The following SMIM5 variants were observed in gnomAD, a reference collection of about 807,000 sequenced individuals.
SMIM5 encodes the protein small integral membrane protein 5.
SMIM5 carries 4 observed loss-of-function variants against 4.0 expected under a neutral mutation model. The observed-to-expected ratio is 1.01, with a 90% CI of 0.50 to 2.30. The LOEUF (loss-of-function observed/expected upper bound fraction) is 2.30. SMIM5 is among the 30% of genes most tolerant of loss of function. The probability of loss-of-function intolerance (pLI) is 0.02; values close to 1 mark genes in which losing one functional copy is unlikely to be tolerated. For synonymous variants in SMIM5, 46 were observed against 43.6 expected (o/e 1.05, Z -0.22); for missense variants, 107 against 99.2 (o/e 1.08, Z -0.34).
At chr17:75,635,409 C>G (rs1188600995) in intron 1 of SMIM5, among the ~76,000 whole-genome samples, 1 of 152,170 alleles carries the variant, frequency 6.6e-6, no homozygotes. Flanking sequence ...CAACACAGTC[C>G]CTGAACCAGG....
Position 75,634,193 on chromosome 17 carries a change from G to A in SMIM5, c.-46G>A. The stretch of plus-strand genomic sequence containing the variant: ...CACTGCTGCTCAGCCCCCAACACCT[G>A]AGCTCCCAGGTGAGTGGCAATGGCC... On this transcript the variant is annotated 5_prime_UTR_variant, in exon 1 of 3. Coordinates refer to ENST00000375215, the MANE Select transcript of SMIM5 (RefSeq NM_001162995.3). 1.0e-6 allele frequency: 1 copy of A among 985,520 alleles called. No homozygotes were observed. Among genetic ancestry groups the A allele is most frequent in the South Asian group, 4.7e-5 (1 of 21,292 alleles). 61.0% of individuals were successfully genotyped at this position (985,520 alleles called of 1,614,324 possible). A position where few individuals can be genotyped will look rare whatever the true frequency, so the allele number is the denominator to read the frequency against.
In SMIM5 at chr17:75,636,223, C is replaced by T. The variant is rs1046125971; in HGVS notation, c.-37+2021C>T. Among the ~76,000 whole-genome samples the T allele has an allele frequency of 6.6e-6, 1 of 152,184 alleles. No homozygotes were observed. Among genetic ancestry groups the T allele is most frequent in the African/African-American group, 2.4e-5 (1 of 41,448 alleles). ...CTGAGGACCCTGAGAAGCCTCCAAC[C>T]AAGGCACTACTGAGCGTGGGGTTGG... On this transcript the variant is annotated intron_variant, in intron 1 of 2. Coordinates refer to ENST00000375215, the MANE Select transcript of SMIM5 (RefSeq NM_001162995.3). The surrounding 1 kb of genome is among the most constrained non-coding windows in gnomAD (Gnocchi z 5.4).
In SMIM5 at chr17:75,633,535, A is replaced by G. The variant is rs553484011; in HGVS notation, c.-704A>G. 9.3e-6 allele frequency: 12 copies of G among 1,285,620 alleles called. No homozygotes were observed. Among genetic ancestry groups the G allele is most frequent in the African/African-American group, 6.1e-5 (4 of 65,872 alleles). The allele number at this position is 1,285,620 out of a possible 1,614,324, so 79.6% of individuals were successfully genotyped here. A position where few individuals can be genotyped will look rare whatever the true frequency, so the allele number is the denominator to read the frequency against. On this transcript the variant is annotated 5_prime_UTR_variant, in exon 1 of 3. Transcript: ENST00000375215. Reference sequence around the variant, plus strand: ...ACTCAGGATTCCAAGTTCTCCCCCAAGACGCCTTCAGATGCTGAGCGGCAC... The same window carrying G: ...ACTCAGGATTCCAAGTTCTCCCCCAGGACGCCTTCAGATGCTGAGCGGCAC...
chr17:75,639,653 T>C (rs1281389881), intron 1 of SMIM5: 3 of 152,274 alleles, frequency 2.0e-5, no homozygotes, highest in Non-Finnish European at 4.4e-5. Context: ...ACTGGGCTGG[T>C]GGGAGAGGTT....
intron 1 of SMIM5, among the ~76,000 whole-genome samples, chr17:75,634,925 C>T (rs1342031596): frequency 6.6e-6 from 1 of 152,308 alleles, no homozygotes; most frequent in East Asian, 1.9e-4. Context: ...CCGTGATGCA[C>T]AGGCTGACAT....
At chr17:75,639,962 C>A in intron 1 of SMIM5, 1 of 509,720 alleles carries the variant, frequency 2.0e-6, no homozygotes, top group Non-Finnish European at 3.4e-6. Flanking sequence ...GTCTCACTGT[C>A]CTCACCGGCT....
In SMIM5 at chr17:75,635,697, AC is replaced by A. The variant is rs1054766299; in HGVS notation, c.-37+1497del. 24 of 706,416 alleles carry A rather than the reference AC, an allele frequency of 3.4e-5. No homozygotes were observed. The African/African-American group carries it at 4.6e-4, about 14-fold the overall frequency. The allele number at this position is 706,416 out of a possible 1,614,324, so 43.8% of individuals were successfully genotyped here. On this transcript the variant is annotated intron_variant, in intron 1 of 2. Coordinates refer to ENST00000375215, the MANE Select transcript of SMIM5 (RefSeq NM_001162995.3). ...GTCAGTTATGCCTCCTTCTAGGTGG[AC>A]CTCAAACGAGATAATGCCCAACAGG...
chr17:75,637,153 C>G (rs2059338938), intron 1 of SMIM5: 1 of 152,320 alleles, frequency 6.6e-6, no homozygotes, highest in Non-Finnish European at 1.5e-5. Context: ...CCTTCCTCCT[C>G]CCTGTTCTGG....
At position 75,633,706 on chromosome 17, in the gene SMIM5, C is replaced by T; in HGVS notation, c.-533C>T. 1 of 1,131,056 alleles carries T rather than the reference C, an allele frequency of 8.8e-7. No homozygotes were observed. Among genetic ancestry groups the T allele is most frequent in the Non-Finnish European group, 1.1e-6 (1 of 910,884 alleles). The allele number at this position is 1,131,056 out of a possible 1,614,324, so 70.1% of individuals were successfully genotyped here. ...CAGAGGGACAGAAGGGGTGGCCTTC[C>T]TGAGGGCAGGGTGGGTGCCCCAGAC... On this transcript the variant is annotated 5_prime_UTR_variant, in exon 1 of 3. Transcript: ENST00000375215.
intron 1 of SMIM5, among the ~76,000 whole-genome samples, chr17:75,635,630 C>A (rs923178205): frequency 4.1e-4 from 62 of 152,340 alleles, no homozygotes; most frequent in East Asian, 3.9e-4. Flanking sequence ...GGGCATCCCC[C>A]CCGGCTGCTC....
In SMIM5 at chr17:75,640,240, G is replaced by C; in HGVS notation, c.39G>C (p.Val13=). Residue 13 remains valine, a synonymous_variant, in exon 2 of 3, where the codon GTG becomes GTC. Transcript: ENST00000375215. This position sits in a 1 kb window ranked among gnomAD's most constrained non-coding sequence, Gnocchi z 4.6. ...ATDFVQEMRA[V]GERLLLKLQR... is the part of the protein sequence containing the mutation. ...ACTTCGTGCAGGAGATGCGCGCCGTGGGCGAGAGGCTGCTGCTCAAGCTGC... is the reference window on the plus strand; with the variant it reads ...ACTTCGTGCAGGAGATGCGCGCCGTCGGCGAGAGGCTGCTGCTCAAGCTGC... The C allele has an allele frequency of 1.3e-6, 2 of 1,551,296 alleles. No individual in the cohort carries two copies. The highest frequency in any genetic ancestry group is 1.7e-6 in the Non-Finnish European group (2 of 1,146,842).
chr17:75,639,664 G>C (rs995547318), intron 1 of SMIM5: 2 of 152,742 alleles, frequency 1.3e-5, no homozygotes, highest in Admixed American at 1.3e-4. Context: ...GGGAGAGGTT[G>C]GGGGGCCTGG....
At chr17:75,637,617 C>T (rs2059349758) in intron 1 of SMIM5, 1 of 152,266 alleles carries the variant, frequency 6.6e-6, no homozygotes, top group Non-Finnish European at 1.5e-5. Context: ...AAGACCTGTA[C>T]CTGTGGTGAC....
At chr17:75,635,024 G>A (rs1369482607) in intron 1 of SMIM5, among the ~76,000 whole-genome samples, 6 of 152,166 alleles carry the variant, frequency 3.9e-5, no homozygotes, top group Non-Finnish European at 8.8e-5. Flanking sequence ...CGTGAGCCGA[G>A]GCTGCCTACT....
At chr17:75,635,213 G>A (rs779363905) in intron 1 of SMIM5, among the ~76,000 whole-genome samples, 9 of 152,236 alleles carry the variant, frequency 5.9e-5, no homozygotes, top group Non-Finnish European at 1.0e-4. Context: ...GGCTGGGGCT[G>A]GTGTCTGGGG....
chr17:75,640,015 C>T lies in SMIM5; in HGVS notation c.-36-151C>T. The T allele has an allele frequency of 1.3e-6, 1 of 771,876 alleles. No homozygotes were observed. Among genetic ancestry groups the T allele is most frequent in the Non-Finnish European group, 2.0e-6 (1 of 508,696 alleles). The allele number at this position is 771,876 out of a possible 1,614,324, so 47.8% of individuals were successfully genotyped here. ...TGTCAGCTGGGTGGGGACTGAGGGC[C>T]ACCACTAGGTGGAAGTCACCAGGGG... On this transcript the variant is annotated intron_variant, in intron 1 of 2. Transcript: ENST00000375215. The surrounding 1 kb of genome is among the most constrained non-coding windows in gnomAD (Gnocchi z 4.6).
In SMIM5 at chr17:75,633,877, AGGAG is replaced by A. The variant is rs201199337; in HGVS notation, c.-360_-357del. 2.7e-4 allele frequency: 273 copies of A among 993,078 alleles called. 1 individual carries two copies. The East Asian group carries it at 0.023, about 84-fold the overall frequency. 61.5% of individuals were successfully genotyped at this position (993,078 alleles called of 1,614,324 possible). On this transcript the variant is annotated 5_prime_UTR_variant, in exon 1 of 3. An upstream open reading frame in the 5' UTR gains an earlier in-frame stop. Coordinates refer to ENST00000375215, the MANE Select transcript of SMIM5 (RefSeq NM_001162995.3). ...CGTGGGAGTCGGGGAGAGGGAGAGG[AGGAG>A]GAAGGAGGAGGAGAGAGGGAGCTTG...
In SMIM5 at chr17:75,640,627, TGGCATGGG is replaced by T. The variant is rs2059419170; in HGVS notation, c.128-162_128-155del. On this transcript the variant is annotated intron_variant, in intron 2 of 2. Transcript: ENST00000375215. This position sits in a 1 kb window ranked among gnomAD's most constrained non-coding sequence, Gnocchi z 4.6. ...CATGGAGGAGGTTGGCCCTGGCGGCTGGCATGGGGACCGTCCGCACCTCTCACCAGCCT... is the reference window on the plus strand; with the variant it reads ...CATGGAGGAGGTTGGCCCTGGCGGCTGACCGTCCGCACCTCTCACCAGCCT... Among the ~76,000 whole-genome samples, 1 of 152,104 alleles carries T rather than the reference TGGCATGGG, an allele frequency of 6.6e-6. No individual in the cohort carries two copies. Among genetic ancestry groups the T allele is most frequent in the Non-Finnish European group, 1.5e-5 (1 of 68,002 alleles).
intron 1 of SMIM5, chr17:75,635,879 C>A: frequency 2.0e-6 from 2 of 985,426 alleles, no homozygotes; most frequent in Non-Finnish European, 2.4e-6. Flanking sequence ...AGTATCAGCT[C>A]TGCGAGGAGG....
Sources: allele counts gnomAD v4.1 joint callset (sites outside exome capture counted in the v4.1 genomes callset), GRCh38; gene constraint gnomAD v4.1.1; non-coding constraint Gnocchi (gnomAD v3.1); transcripts MANE v1.5; gene names NCBI Gene and HGNC (gene_info 2026-07-23, HGNC 2026-07-21).